The following USP6NL variants were observed in gnomAD, a reference collection of about 807,000 sequenced individuals.
USP6NL encodes USP6 N-terminal like.
Under a neutral mutation model 61.9 loss-of-function variants are expected in USP6NL, and 26 were observed. That is an observed-to-expected ratio of 0.42 (90% CI 0.31 to 0.58). The LOEUF (loss-of-function observed/expected upper bound fraction) is 0.58, where lower values mean the gene tolerates loss of function less well. USP6NL is among the 20% of genes least tolerant of loss of function. The probability of loss-of-function intolerance (pLI) is 0.16; values close to 1 mark genes in which losing one functional copy is unlikely to be tolerated. For missense variants in USP6NL, 1,114 were observed against 1,034.3 expected, an observed-to-expected ratio of 1.08 and a Z score of -1.06; for synonymous variants, 432 against 390.1, an observed-to-expected ratio of 1.11 and a Z score of -1.27.
At chr10:11,603,183 G>A (rs1160027632) in intron 1 of USP6NL, among the ~76,000 whole-genome samples, 1 of 152,140 alleles carries the variant, frequency 6.6e-6, no homozygotes, top group Non-Finnish European at 1.5e-5. Context: ...ATGTTAATGA[G>A]GCATGAGATA....
intron 2 of USP6NL, among the ~76,000 whole-genome samples, chr10:11,557,733 G>C (rs574922987): frequency 6.6e-6 from 1 of 152,130 alleles, no homozygotes; most frequent in African/African-American, 2.4e-5. Flanking sequence ...GAGGAAAGAG[G>C]GTGGTGCCAC....
At chr10:11,583,610 A>G (rs1008810020) in intron 2 of USP6NL, among the ~76,000 whole-genome samples, 1 of 152,248 alleles carries the variant, frequency 6.6e-6, no homozygotes, top group Non-Finnish European at 1.5e-5. Context: ...ATTTAGTCAT[A>G]ATAAGGAAAT....
rs1244647047 is a variant in USP6NL, at chr10:11,489,560, C to A, written c.544-338G>T. On this transcript the variant is annotated intron_variant, in intron 9 of 14. Coordinates refer to ENST00000609104, the MANE Select transcript of USP6NL (RefSeq NM_014688.5). The surrounding 1 kb of genome is among the most constrained non-coding windows in gnomAD (Gnocchi z 5.7). ...TTCCTCTTCTTTGCTCAGTTGCTGG[C>A]AAAGTCTCCCCTTCTACAACACCCA... Among the ~76,000 whole-genome samples the A allele has an allele frequency of 6.6e-6, 1 of 152,178 alleles. No homozygotes were observed. The highest frequency in any genetic ancestry group is 1.5e-5 in the Non-Finnish European group (1 of 68,032).
At chr10:11,512,155 T>A (rs553748494) in intron 5 of USP6NL, among the ~76,000 whole-genome samples, 2 of 152,038 alleles carry the variant, frequency 1.3e-5, no homozygotes, top group African/African-American at 4.8e-5. Flanking sequence ...TCAACCACAA[T>A]AAGACAAAAC....
chr10:11,515,232 G>C (rs1350883110), intron 5 of USP6NL, among the ~76,000 whole-genome samples: 1 of 152,146 alleles, frequency 6.6e-6, no homozygotes, highest in Non-Finnish European at 1.5e-5. Flanking sequence ...TCTGGTCCAA[G>C]GCCCTTCCCA....
At chr10:11,555,749 T>A (rs889709462) in intron 2 of USP6NL, among the ~76,000 whole-genome samples, 1 of 151,698 alleles carries the variant, frequency 6.6e-6, no homozygotes, top group African/African-American at 2.4e-5. Flanking sequence ...AAAGAAGAAA[T>A]CTTAAAATAG....
At position 11,553,768 on chromosome 10, in the gene USP6NL, C is replaced by T. The variant is rs371836323; in HGVS notation, c.5-26201G>A. Among the ~76,000 whole-genome samples, 1 of 151,800 alleles carries T rather than the reference C, an allele frequency of 6.6e-6. No individual in the cohort carries two copies. Among genetic ancestry groups the T allele is most frequent in the African/African-American group, 2.4e-5 (1 of 41,400 alleles). On this transcript the variant is annotated intron_variant, in intron 2 of 14. Transcript: ENST00000609104. The surrounding 1 kb of genome is among the most constrained non-coding windows in gnomAD (Gnocchi z 4.8). ...AAAATTAGCAAGGCATGGTGGTGGG[C>T]GCCTGTAATCCCAACTACTCGCGAG...
In USP6NL at chr10:11,520,608, C is replaced by G. The variant is rs1408856686; in HGVS notation, c.156-2034G>C. Among the ~76,000 whole-genome samples, 1 of 152,216 alleles carries G rather than the reference C, an allele frequency of 6.6e-6. No homozygotes were observed. The highest frequency in any genetic ancestry group is 1.5e-5 in the Non-Finnish European group (1 of 68,046). ...CATCCTTACCTTGCCTCCTAAATAT[C>G]CTTCAAGTGGAGGAGAAGAAAGAAG... On this transcript the variant is annotated intron_variant, in intron 4 of 14. Transcript: ENST00000609104. This position sits in a 1 kb window ranked among gnomAD's most constrained non-coding sequence, Gnocchi z 5.2.
In USP6NL at chr10:11,470,670, T is replaced by TG. The variant is rs1157342848; in HGVS notation, c.1079-6822dup. 2.6e-5 allele frequency among the ~76,000 whole-genome samples: 4 copies of TG among 152,364 alleles called. No individual in the cohort carries two copies. The highest frequency in any genetic ancestry group is 5.9e-5 in the Non-Finnish European group (4 of 68,032). ...ACACAAACACTGCTCTACTTGTCTTTGGTTTAAATATCTCCTTTCACCCCT... is the reference window on the plus strand; with the variant it reads ...ACACAAACACTGCTCTACTTGTCTTTGGGTTTAAATATCTCCTTTCACCCCT... On this transcript the variant is annotated intron_variant, in intron 14 of 14. Transcript: ENST00000609104. This position sits in a 1 kb window ranked among gnomAD's most constrained non-coding sequence, Gnocchi z 5.4.
chr10:11,502,985 T>A (rs1834275938), intron 6 of USP6NL, among the ~76,000 whole-genome samples: 1 of 152,180 alleles, frequency 6.6e-6, no homozygotes, highest in South Asian at 2.1e-4. Context: ...CAAGCATGTG[T>A]GGTTAAAAAC....
chr10:11,500,826 T>C (rs3824643), intron 7 of USP6NL, among the ~76,000 whole-genome samples: 33,552 of 152,118 alleles, frequency 0.22, 3,877 homozygotes, highest in South Asian at 0.25. Flanking sequence ...CGTCCTAACA[T>C]TGATCATCTA....
rs1252632606 is a variant in USP6NL at position 11,525,232 on chromosome 10, GT to G, written c.155+153del. On this transcript the variant is annotated intron_variant, in intron 4 of 14. Transcript: ENST00000609104. This position sits in a 1 kb window ranked among gnomAD's most constrained non-coding sequence, Gnocchi z 5.0. ...ACAGTTAAATTTTAATCACAGAGTT[GT>G]TAAAAGAAACCTAGGAATTTAGTAT... Among the ~76,000 whole-genome samples the G allele has an allele frequency of 6.6e-6, 1 of 152,104 alleles. No individual in the cohort carries two copies.
At chr10:11,586,178 T>C (rs1162476589) in intron 2 of USP6NL, among the ~76,000 whole-genome samples, 4 of 152,198 alleles carry the variant, frequency 2.6e-5, no homozygotes, top group African/African-American at 9.7e-5. Flanking sequence ...ACTAGGCTAG[T>C]GATGGTGAAA....
chr10:11,571,311 C>T (rs1024705051), intron 2 of USP6NL, among the ~76,000 whole-genome samples: 1 of 152,054 alleles, frequency 6.6e-6, no homozygotes, highest in African/African-American at 2.4e-5. Context: ...GTCTCGAAAT[C>T]CCGACCTCAG....
chr10:11,604,271 T>C (rs1248781675), intron 1 of USP6NL, among the ~76,000 whole-genome samples: 2 of 152,260 alleles, frequency 1.3e-5, no homozygotes, highest in African/African-American at 4.8e-5. Context: ...TGATTTATTA[T>C]CTTAAAACTA....
intron 7 of USP6NL, among the ~76,000 whole-genome samples, chr10:11,498,448 T>G (rs1308283214): frequency 6.6e-6 from 1 of 151,660 alleles, no homozygotes; most frequent in Non-Finnish European, 1.5e-5. Flanking sequence ...CCAAGACAGC[T>G]TGGATAGTAA....
chr10:11,557,377 T>C (rs1339987853), intron 2 of USP6NL, among the ~76,000 whole-genome samples: 1 of 152,220 alleles, frequency 6.6e-6, no homozygotes, highest in African/African-American at 2.4e-5. Context: ...TTAGAATTTG[T>C]TACCATTTTT....
At chr10:11,524,043 C>T (rs896739121) in intron 4 of USP6NL, among the ~76,000 whole-genome samples, 2 of 152,116 alleles carry the variant, frequency 1.3e-5, no homozygotes, top group Non-Finnish European at 2.9e-5. Context: ...TTGTCACGTG[C>T]GTAGCCAAGT....
Position 11,495,447 on chromosome 10 carries a change from C to T in USP6NL, c.385-2219G>A, listed in dbSNP as rs1373850589. Among the ~76,000 whole-genome samples, 1 of 152,266 alleles carries T rather than the reference C, an allele frequency of 6.6e-6. No homozygotes were observed. The highest frequency in any genetic ancestry group is 2.1e-4 in the South Asian group (1 of 4,820). On this transcript the variant is annotated intron_variant, in intron 7 of 14. Transcript: ENST00000609104. This position sits in a 1 kb window ranked among gnomAD's most constrained non-coding sequence, Gnocchi z 4.6. ...TGCCGCCCACACCCTCCCTCCATTCCCATTTTCTTTTTCTGAAACTCTTAT... is the reference window on the plus strand; with the variant it reads ...TGCCGCCCACACCCTCCCTCCATTCTCATTTTCTTTTTCTGAAACTCTTAT...
Sources: gnomAD v4.1 joint callset for allele counts (sites outside exome capture counted in the v4.1 genomes callset) on GRCh38, gnomAD v4.1.1 for gene constraint, Gnocchi (gnomAD v3.1) non-coding constraint, MANE v1.5 for transcripts, NCBI Gene and HGNC (gene_info 2026-07-23, HGNC 2026-07-21) for gene names.